CIITA: variants seen among roughly 807,000 people sequenced by gnomAD.
The protein encoded by CIITA is MHC class II transactivator.
Under a neutral mutation model 115.1 loss-of-function variants are expected in CIITA, and 72 were observed. That is an observed-to-expected ratio of 0.63 (90% CI 0.52 to 0.76). The LOEUF (loss-of-function observed/expected upper bound fraction) is 0.76. Ranked by LOEUF, CIITA falls within the 30% of genes least tolerant of loss-of-function variation. The probability of loss-of-function intolerance (pLI) is 0.00; values close to 1 mark genes in which losing one functional copy is unlikely to be tolerated. For synonymous variants in CIITA, 763 were observed against 635.6 expected (o/e 1.20, Z -3.02); for missense variants, 1,617 against 1,463.8 (o/e 1.10, Z -1.71).
chr16:10,918,586 A>T (rs1358884386), intron 16 of CIITA, 60 bp downstream of exon 16: 1 of 1,465,670 alleles, frequency 6.8e-7, no homozygotes, highest in African/African-American at 1.4e-5. Context: ...AGCGCAGGGA[A>T]CCCACATCGT....
chr16:10,877,263 G>A lies in CIITA; in HGVS notation c.-68G>A. The A allele has an allele frequency of 6.8e-7, 1 of 1,479,816 alleles. No individual in the cohort carries two copies. The highest frequency in any genetic ancestry group is 1.2e-5 in the South Asian group (1 of 85,058). 91.7% of individuals were successfully genotyped at this position (1,479,816 alleles called of 1,614,324 possible). A position where few individuals can be genotyped will look rare whatever the true frequency, so the allele number is the denominator to read the frequency against. On this transcript the variant is annotated 5_prime_UTR_variant, in exon 1 of 20. Transcript: ENST00000324288. ...GCTGGGCATCCGAAGGCATCCTTGGGGAAGCTGAGGGCACGAGGAGGGGCT... is the reference window on the plus strand; with the variant it reads ...GCTGGGCATCCGAAGGCATCCTTGGAGAAGCTGAGGGCACGAGGAGGGGCT...
Position 10,920,954 on chromosome 16 carries a change from C to T in CIITA, c.3150-1213C>T, listed in dbSNP as rs765356877. Among the ~76,000 whole-genome samples, 16 of 152,172 alleles carry T rather than the reference C, an allele frequency of 1.1e-4. No homozygotes were observed. In the East Asian group the frequency reaches 1.5e-3, roughly 15 times the overall value. ...GTGCAGTCTCAGTTCACTGCAACTC[C>T]GCCTCCCGAGTTCAAGCAATTCTCC... On this transcript the variant is annotated intron_variant, in intron 16 of 19. Coordinates refer to ENST00000324288, the MANE Select transcript of CIITA (RefSeq NM_000246.4). The surrounding 1 kb of genome is among the most constrained non-coding windows in gnomAD (Gnocchi z 4.5).
At chr16:10,914,880 G>A (rs2039841165) in intron 13 of CIITA, among the ~76,000 whole-genome samples, 2 of 152,138 alleles carry the variant, frequency 1.3e-5, no homozygotes, top group Middle Eastern at 3.2e-3. Flanking sequence ...CAACCACCTG[G>A]TTTACCACTG....
chr16:10,890,295 T>G (rs2037429655), intron 1 of CIITA, among the ~76,000 whole-genome samples: 1 of 151,632 alleles, frequency 6.6e-6, no homozygotes. Context: ...GCCTTTTTTT[T>G]TTTTCTGAGA....
intron 1 of CIITA, among the ~76,000 whole-genome samples, chr16:10,887,251 G>A (rs1232822472): frequency 3.9e-5 from 6 of 152,082 alleles, no homozygotes; most frequent in South Asian, 2.1e-4. Flanking sequence ...GTTGGGGGGG[G>A]CCTTGGGGGA....
At chr16:10,900,100 A>G (rs2038566581) in intron 5 of CIITA, among the ~76,000 whole-genome samples, 1 of 151,856 alleles carries the variant, frequency 6.6e-6, no homozygotes, top group African/African-American at 2.4e-5. Context: ...CAACCAAAAG[A>G]ATATTCAGTG....
At chr16:10,866,314 A>G in exon 1 of CIITA, 1 of 569,520 alleles carries the variant, frequency 1.8e-6, no homozygotes. Flanking sequence ...GGCCATCCTG[A>G]CTCAGGTGAG....
At chr16:10,885,333 C>G (rs964922218) in intron 1 of CIITA, among the ~76,000 whole-genome samples, 5 of 152,200 alleles carry the variant, frequency 3.3e-5, no homozygotes, top group African/African-American at 1.2e-4. Context: ...CCATTACACA[C>G]ATACACATGC....
In CIITA at chr16:10,907,305, C is replaced by A; in HGVS notation, c.1813C>A (p.Leu605Ile). The stretch of plus-strand genomic sequence containing the variant: ...GCTCCTCCGGGACCGGCCACTTCTT[C>A]TCAGTCACAGCCACAGCCCTACTTT... ...LTLLRDRPLL[L>I]SHSHSPTLCR... The change falls in exon 11 of 20, where the codon CTC becomes ATC. Residue 605 changes from leucine (L) to isoleucine (I), a missense_variant. Coordinates refer to ENST00000324288, the MANE Select transcript of CIITA (RefSeq NM_000246.4). This position sits in a 1 kb window ranked among gnomAD's most constrained non-coding sequence, Gnocchi z 5.0. 1 of 1,613,686 alleles carries A rather than the reference C, an allele frequency of 6.2e-7. No homozygotes were observed. The highest frequency in any genetic ancestry group is 8.5e-7 in the Non-Finnish European group (1 of 1,180,014).
At chr16:10,937,131 A>C (rs916513325), downstream of CIITA, 4 of 152,292 alleles carry the variant, frequency 2.6e-5, no homozygotes, top group Non-Finnish European at 5.9e-5. This position sits in a 1 kb window ranked among gnomAD's most constrained non-coding sequence, Gnocchi z 4.2. Context: ...CTGAAGACGC[A>C]GCTGGCACCA....
In CIITA at chr16:10,907,293, C is replaced by G. The variant is rs569634954; in HGVS notation, c.1801C>G (p.Arg601Gly). Residue 601 changes from arginine to glycine, a missense_variant, in exon 11 of 20, where the codon CGG becomes GGG. Physicochemically the swap from Arg to Gly is moderately radical, Grantham distance 125. Coordinates refer to ENST00000324288, the MANE Select transcript of CIITA (RefSeq NM_000246.4). The surrounding 1 kb of genome is among the most constrained non-coding windows in gnomAD (Gnocchi z 5.0). ...QDRALTLLRD[R>G]PLLLSHSHSP... ...CAGAGCCCTGACGCTCCTCCGGGACCGGCCACTTCTTCTCAGTCACAGCCA... is the reference window on the plus strand; with the variant it reads ...CAGAGCCCTGACGCTCCTCCGGGACGGGCCACTTCTTCTCAGTCACAGCCA... 1.9e-6 allele frequency: 3 copies of G among 1,613,568 alleles called. No individual in the cohort carries two copies. Among genetic ancestry groups the G allele is most frequent in the African/African-American group, 2.7e-5 (2 of 75,004 alleles).
At chr16:10,871,740 T>C (rs6416647) in intron 1 of CIITA, among the ~76,000 whole-genome samples, 49,441 of 151,914 alleles carry the variant, frequency 0.33, 9,373 homozygotes, top group East Asian at 0.84. Flanking sequence ...CTGTTCTGAT[T>C]TTGGGAGTCT....
chr16:10,915,370 G>A (rs1294708584), intron 13 of CIITA, among the ~76,000 whole-genome samples, 200 bp from the exon 14 acceptor site: 1 of 152,030 alleles, frequency 6.6e-6, no homozygotes, highest in African/African-American at 2.4e-5. Context: ...TCTTATGGGG[G>A]GCTATGAAAT....
At chr16:10,904,649 C>A in intron 9 of CIITA, 95 bp from the exon 10 acceptor site, 2 of 1,281,552 alleles carry the variant, frequency 1.6e-6, no homozygotes, top group Non-Finnish European at 2.3e-6. Context: ...GGAAACTCAG[C>A]CCATGAAGGC....
chr16:10,872,700 C>T (rs1295153029), upstream of CIITA, among the ~76,000 whole-genome samples: 1 of 152,218 alleles, frequency 6.6e-6, no homozygotes, highest in Non-Finnish European at 1.5e-5. Flanking sequence ...TTGTATTCTA[C>T]TCACCTATCT....
chr16:10,893,342 A>G (rs7195305), intron 1 of CIITA, among the ~76,000 whole-genome samples: 145,530 of 152,206 alleles, frequency 0.96, 69,931 homozygotes, highest in East Asian at 1. Flanking sequence ...TCCTGGCAGG[A>G]GCCTTAGAGC....
Position 10,915,448 on chromosome 16 carries a change from A to T in CIITA, c.2889-122A>T, listed in dbSNP as rs111266300. ...GCAGGGACCTAAGAGGCTGGGGTGG[A>T]AGGGAAGAGGAGGGGCCTCAGACAG... On this transcript the variant is annotated intron_variant, in intron 13 of 19. Coordinates refer to ENST00000324288, the MANE Select transcript of CIITA (RefSeq NM_000246.4). 27 of 770,276 alleles carry T rather than the reference A, an allele frequency of 3.5e-5. No homozygotes were observed. The African/African-American group carries it at 4.6e-4, about 13-fold the overall frequency. The allele number at this position is 770,276 out of a possible 1,614,324, so 47.7% of individuals were successfully genotyped here. A position where few individuals can be genotyped will look rare whatever the true frequency, so the allele number is the denominator to read the frequency against.
chr16:10,931,306 C>CA lies in CIITA; in HGVS notation c.*7459dup, dbSNP rs1439925114. ...AGCCTGGGTGACAGAGACCCTGTCT[C>CA]AAAAAAAAGAGAAGATGGAATCACT... On this transcript the variant is annotated 3_prime_UTR_variant, in exon 20 of 20. Transcript: ENST00000324288. 8 of 152,286 alleles carry CA rather than the reference C, an allele frequency of 5.3e-5. No homozygotes were observed. The highest frequency in any genetic ancestry group is 8.8e-5 in the Non-Finnish European group (6 of 68,346). 9.4% of individuals were successfully genotyped at this position (152,286 alleles called of 1,614,324 possible).
At position 10,879,337 on chromosome 16, in the gene CIITA, G is replaced by A. The variant is rs1449175146; in HGVS notation, c.52+1955G>A. On this transcript the variant is annotated intron_variant, in intron 1 of 19. Coordinates refer to ENST00000324288, the MANE Select transcript of CIITA (RefSeq NM_000246.4). This position sits in a 1 kb window ranked among gnomAD's most constrained non-coding sequence, Gnocchi z 4.3. Reference sequence around the variant, plus strand: ...TGCAGAGAAGCCGGAGCGCAGACTGGGAGCGCGGAGCAGACACACTCCCCC... The same window carrying A: ...TGCAGAGAAGCCGGAGCGCAGACTGAGAGCGCGGAGCAGACACACTCCCCC... Among the ~76,000 whole-genome samples the A allele has an allele frequency of 1.3e-5, 2 of 152,130 alleles. No individual in the cohort carries two copies. The highest frequency in any genetic ancestry group is 2.9e-5 in the Non-Finnish European group (2 of 68,014).
Sources: allele counts gnomAD v4.1 joint callset (sites outside exome capture counted in the v4.1 genomes callset), GRCh38; gene constraint gnomAD v4.1.1; non-coding constraint Gnocchi (gnomAD v3.1); transcripts MANE v1.5; gene names NCBI Gene and HGNC (gene_info 2026-07-23, HGNC 2026-07-21).